SMIM24: variants seen among roughly 807,000 people sequenced by gnomAD.
SMIM24 encodes MAP17-related dimer.
Under a neutral mutation model 10.8 loss-of-function variants are expected in SMIM24, and 6 were observed. The observed-to-expected ratio is 0.55, with a 90% CI of 0.30 to 1.09. The LOEUF is 1.09. SMIM24 is among the 50% of genes least tolerant of loss of function. The pLI is 0.06. For missense variants in SMIM24, 151 were observed against 153.4 expected, an observed-to-expected ratio of 0.98 and a Z score of 0.08; for synonymous variants, 71 against 62.4, an observed-to-expected ratio of 1.14 and a Z score of -0.65.
chr19:3,476,767 A>AGGAT (rs1387214133), intron 3 of SMIM24, among the ~76,000 whole-genome samples: 2 of 137,076 alleles, frequency 1.5e-5, no homozygotes, highest in Non-Finnish European at 3.3e-5. Context: ...GATGGATGGA[A>AGGAT]GGATGGATGG....
At chr19:3,480,176 G>C (rs938199396) in intron 1 of SMIM24, among the ~76,000 whole-genome samples, 14 of 151,608 alleles carry the variant, frequency 9.2e-5, no homozygotes, top group Non-Finnish European at 1.9e-4. Flanking sequence ...GCTGGAGAGG[G>C]GAAAGGCTCG....
intron 1 of SMIM24, 25 bp downstream of exon 1, chr19:3,480,372 C>CAAA: frequency 1.3e-6 from 2 of 1,503,966 alleles, no homozygotes; most frequent in Non-Finnish European, 8.9e-7. Flanking sequence ...TCCCGCGACG[C>CAAA]CCCCTCCCGC....
In SMIM24 at chr19:3,479,081, C is replaced by T. The variant is rs556246595; in HGVS notation, c.68-152G>A. The T allele has an allele frequency of 5.4e-4, 194 of 361,044 alleles. 1 individual carries two copies. The South Asian group carries it at 7.9e-3, about 15-fold the overall frequency. The allele number at this position is 361,044 out of a possible 1,614,324, so 22.4% of individuals were successfully genotyped here. ...GACGGAGCTTCAGAGACCTGGATGG[C>T]GTAGGGGGGTCGGGAGGGTTTAGAG... is the stretch of plus-strand genomic sequence containing the variant. On this transcript the variant is annotated intron_variant, in intron 1 of 3. Transcript: ENST00000215531.
intron 3 of SMIM24, 68 bp from the exon 4 acceptor site, chr19:3,475,064 T>C: frequency 6.7e-7 from 1 of 1,491,102 alleles, no homozygotes; most frequent in Non-Finnish European, 9.1e-7. Flanking sequence ...GGCCACTCAC[T>C]TGAGCCAGCC....
chr19:3,479,079 G>A, intron 1 of SMIM24, 150 bp from the exon 2 acceptor site: 1 of 611,030 alleles, frequency 1.6e-6, no homozygotes, highest in Non-Finnish European at 2.9e-6. Context: ...AGACCTGGAT[G>A]GCGTAGGGGG....
At chr19:3,476,508 G>C (rs1025131104) in intron 3 of SMIM24, among the ~76,000 whole-genome samples, 1 of 151,868 alleles carries the variant, frequency 6.6e-6, no homozygotes, top group African/African-American at 2.4e-5. Flanking sequence ...CAGAAAGGAA[G>C]CTACAGGTAC....
intron 2 of SMIM24, 94 bp from the exon 3 acceptor site, chr19:3,478,572 C>A: frequency 8.3e-7 from 1 of 1,211,722 alleles, no homozygotes; most frequent in South Asian, 1.5e-5. Context: ...GCCTCTGTCC[C>A]AACCTCCCAG....
intron 3 of SMIM24, among the ~76,000 whole-genome samples, chr19:3,475,962 G>A (rs1427490327): frequency 6.6e-6 from 1 of 152,038 alleles, no homozygotes; most frequent in Non-Finnish European, 1.5e-5. Flanking sequence ...CTGCATGGAG[G>A]TTGAATAAAT....
chr19:3,478,699 C>T, intron 2 of SMIM24, 119 bp downstream of exon 2: 1 of 895,076 alleles, frequency 1.1e-6, no homozygotes, highest in Non-Finnish European at 1.7e-6. Flanking sequence ...GTTGGAGGAG[C>T]AGCAGGGAAA....
At chr19:3,478,258 C>T (rs2082801626) in intron 3 of SMIM24, among the ~76,000 whole-genome samples, 161 bp downstream of exon 3, 1 of 152,106 alleles carries the variant, frequency 6.6e-6, no homozygotes, top group Non-Finnish European at 1.5e-5. Context: ...TGACTAGGGA[C>T]TGGAGGAGGA....
chr19:3,479,441 G>A (rs144793921), intron 1 of SMIM24, among the ~76,000 whole-genome samples: 11 of 150,426 alleles, frequency 7.3e-5, no homozygotes, highest in African/African-American at 9.8e-5. Flanking sequence ...GGAGCTGTTG[G>A]GGGGAGCTTA....
rs1255454312 is a variant in SMIM24, at chr19:3,474,835, A to G, written c.*8T>C. On this transcript the variant is annotated 3_prime_UTR_variant, in exon 4 of 4. Transcript: ENST00000215531. ...GGGGGACTGCCTGGAAGAGGCAGCC[A>G]GGAATCTTCACATGACTGTGCTCTT... The G allele has an allele frequency of 1.3e-6, 2 of 1,550,186 alleles. No homozygotes were observed. Among genetic ancestry groups the G allele is most frequent in the Non-Finnish European group, 1.7e-6 (2 of 1,146,628 alleles).
At chr19:3,477,523 A>ATGGATGGGTGAGTGGG (rs1568215410) in intron 3 of SMIM24, among the ~76,000 whole-genome samples, 1 of 133,560 alleles carries the variant, frequency 7.5e-6, no homozygotes, top group African/African-American at 2.8e-5. Flanking sequence ...TGGGTGATGG[A>ATGGATGGGTGAGTGGG]TGGATGGGTG....
chr19:3,477,090 TGATGGATG>T (rs371713691), intron 3 of SMIM24, among the ~76,000 whole-genome samples: 101 of 95,986 alleles, frequency 1.1e-3, no homozygotes, highest in African/African-American at 3.0e-3. Context: ...AATAGATGGG[TGATGGATG>T]GATGGATGGA....
In SMIM24 at chr19:3,474,867, C is replaced by T; in HGVS notation, c.369G>A (p.Glu123=). The change falls in exon 4 of 4, where the codon GAG becomes GAA. Residue 123 remains glutamate (E), a synonymous_variant. Transcript: ENST00000215531. The stretch of plus-strand genomic sequence containing the variant: ...TTCACATGACTGTGCTCTTTGCTCT[C>T]TCATGGTCTCCGGGCTCTTTTTCCT... ...DLEEKEPGDH[E]RAKSTVM 1.9e-6 allele frequency: 3 copies of T among 1,551,630 alleles called. No homozygotes were observed. Among genetic ancestry groups the T allele is most frequent in the South Asian group, 2.4e-5 (2 of 84,048 alleles).
chr19:3,475,019 A>G (rs557829691), intron 3 of SMIM24, 23 bp from the exon 4 acceptor site: 3 of 1,548,586 alleles, frequency 1.9e-6, no homozygotes, highest in African/African-American at 1.4e-5. Context: ...AAAGGCCCCA[A>G]ACCATAATAA....
rs1466581512 is a variant in SMIM24, at chr19:3,478,427, C to T, written c.231G>A (p.Gln77=). The T allele has an allele frequency of 6.5e-7, 1 of 1,548,976 alleles. No homozygotes were observed. Among genetic ancestry groups the T allele is most frequent in the African/African-American group, 1.4e-5 (1 of 72,910 alleles). The change falls in exon 3 of 4, where the codon CAG becomes CAA. Residue 77 remains glutamine, a synonymous_variant. Transcript: ENST00000215531. ...ATCCGCACGCATAGTACCTCTGGTC[C>T]TGGTATAGGTTGGACTCCATTCTGA... ...TTFRMESNLY[Q]DQSEDKREKK... is the part of the protein sequence containing the mutation.
chr19:3,480,104 G>A (rs1351242356), intron 1 of SMIM24, among the ~76,000 whole-genome samples: 4 of 151,570 alleles, frequency 2.6e-5, no homozygotes, highest in African/African-American at 9.7e-5. Flanking sequence ...TTGTAAAGGA[G>A]GCCCGAGCTC....
At chr19:3,478,706 G>A (rs532273268) in intron 2 of SMIM24, 112 bp downstream of exon 2, 1 of 920,968 alleles carries the variant, frequency 1.1e-6, no homozygotes, top group South Asian at 1.7e-5. Flanking sequence ...GAGCAGCAGG[G>A]AAATGGGAGA....
Sources: gnomAD v4.1 joint callset for allele counts (sites outside exome capture counted in the v4.1 genomes callset) on GRCh38, gnomAD v4.1.1 for gene constraint, MANE v1.5 for transcripts, NCBI Gene and HGNC (gene_info 2026-07-23, HGNC 2026-07-21) for gene names.